The following IGSF21 variants were observed in gnomAD, a reference collection of about 807,000 sequenced individuals.
IGSF21 encodes the protein immunoglobulin superfamily member 21.
In IGSF21, 28 loss-of-function variants were observed where a neutral mutation model predicts 46.8. The ratio of observed to expected loss-of-function variants is 0.60; its 90% confidence interval spans 0.44 to 0.82. The LOEUF (loss-of-function observed/expected upper bound fraction) is 0.82, where lower values mean the gene tolerates loss of function less well. IGSF21 is among the 40% of genes least tolerant of loss of function. IGSF21 has a pLI of 0.00. For synonymous variants in IGSF21, 284 were observed against 273.6 expected, an observed-to-expected ratio of 1.04 and a Z score of -0.38; for missense variants, 624 against 665.5, an observed-to-expected ratio of 0.94 and a Z score of 0.69.
intron 1 of IGSF21, among the ~76,000 whole-genome samples, chr1:18,154,982 TG>T (rs1425482405): frequency 6.6e-6 from 1 of 151,548 alleles, no homozygotes; most frequent in East Asian, 2.0e-4. Flanking sequence ...GCTAGGCAAA[TG>T]GGGGGCTCAC....
intron 2 of IGSF21, among the ~76,000 whole-genome samples, chr1:18,232,686 T>C (rs1256893512): frequency 6.6e-6 from 1 of 152,222 alleles, no homozygotes; most frequent in Admixed American, 6.5e-5. Flanking sequence ...TACCTGCCCC[T>C]GGACCATGAC....
chr1:18,352,827 C>T (rs914303968), intron 4 of IGSF21, among the ~76,000 whole-genome samples: 1 of 152,186 alleles, frequency 6.6e-6, no homozygotes, highest in Non-Finnish European at 1.5e-5. Context: ...TGAGCGGGTG[C>T]TTCCAGGCAC....
chr1:18,245,713 C>A (rs1259180490), intron 2 of IGSF21, among the ~76,000 whole-genome samples: 1 of 152,186 alleles, frequency 6.6e-6, no homozygotes, highest in Admixed American at 6.5e-5. Context: ...ATGTGCCAGG[C>A]ACTGGGCTAG....
In IGSF21 at chr1:18,183,571, CGTAACAGCCATCGCTGT is replaced by C. The variant is rs538713060; in HGVS notation, c.71-44316_71-44300del. Among the ~76,000 whole-genome samples the C allele has an allele frequency of 5.1e-3, 782 of 152,340 alleles. 5 individuals are homozygous for C. Among genetic ancestry groups the C allele is most frequent in the Non-Finnish European group, 7.9e-3 (540 of 68,028 alleles). ...GAGCAGCATTTGACATCATGAGATA[CGTAACAGCCATCGCTGT>C]GTAACAGCCAGCCCAAAACTCAGTG... On this transcript the variant is annotated intron_variant, in intron 1 of 9. Coordinates refer to ENST00000251296, the MANE Select transcript of IGSF21 (RefSeq NM_032880.5).
At chr1:18,314,211 A>G (rs1007969174) in intron 3 of IGSF21, among the ~76,000 whole-genome samples, 1 of 152,164 alleles carries the variant, frequency 6.6e-6, no homozygotes, top group African/African-American at 2.4e-5. Context: ...TTTATTTTAA[A>G]TTACAGTGGA....
intron 2 of IGSF21, among the ~76,000 whole-genome samples, chr1:18,231,922 C>CATGT (rs1553156168): frequency 2.2e-5 from 3 of 136,438 alleles, no homozygotes; most frequent in East Asian, 2.2e-4. Context: ...ATCATTAGAT[C>CATGT]GTGTGTGTGT....
chr1:18,191,954 C>T (rs888655002), intron 1 of IGSF21, among the ~76,000 whole-genome samples: 2 of 152,142 alleles, frequency 1.3e-5, no homozygotes, highest in Admixed American at 1.3e-4. Context: ...TGACATCTGC[C>T]CTCCTGAGAG....
At chr1:18,180,985 G>A (rs866928632) in intron 1 of IGSF21, among the ~76,000 whole-genome samples, 1 of 152,208 alleles carries the variant, frequency 6.6e-6, no homozygotes, top group Middle Eastern at 3.4e-3. Context: ...TTTTCCCCTG[G>A]GCCTCAGTCT....
intron 1 of IGSF21, among the ~76,000 whole-genome samples, chr1:18,141,400 C>T (rs2086414149): frequency 6.6e-6 from 1 of 152,160 alleles, no homozygotes; most frequent in Admixed American, 6.5e-5. Flanking sequence ...TGCAGTCAGA[C>T]AAAAGAAGGA....
At chr1:18,268,977 A>G (rs2085016797) in intron 2 of IGSF21, among the ~76,000 whole-genome samples, 1 of 152,216 alleles carries the variant, frequency 6.6e-6, no homozygotes, top group Non-Finnish European at 1.5e-5. Context: ...TGTGCCTGTA[A>G]CAATTCAGGG....
At chr1:18,184,233 C>T (rs926033154) in intron 1 of IGSF21, among the ~76,000 whole-genome samples, 1 of 152,166 alleles carries the variant, frequency 6.6e-6, no homozygotes, top group Non-Finnish European at 1.5e-5. Context: ...GCACTTATGT[C>T]CACCATGATT....
intron 3 of IGSF21, among the ~76,000 whole-genome samples, chr1:18,313,367 C>T (rs1415387966): frequency 1.3e-5 from 2 of 152,202 alleles, no homozygotes; most frequent in African/African-American, 4.8e-5. Context: ...TGGAGCCAGG[C>T]TCCTAGCCTC....
At chr1:18,377,947 G>A (rs1024264462) in intron 9 of IGSF21, among the ~76,000 whole-genome samples, 7 of 152,140 alleles carry the variant, frequency 4.6e-5, no homozygotes, top group East Asian at 3.9e-4. Context: ...GGGCCCAGAC[G>A]CTGCTCCCAG....
chr1:18,310,722 C>T (rs565692497), intron 3 of IGSF21, among the ~76,000 whole-genome samples: 1 of 152,300 alleles, frequency 6.6e-6, no homozygotes, highest in African/African-American at 2.4e-5. Flanking sequence ...ACTGTATTCT[C>T]TCACAGTTCT....
intron 1 of IGSF21, among the ~76,000 whole-genome samples, chr1:18,208,397 T>TATATATATACATATATATATATATATA (rs368652183): frequency 1.1e-5 from 1 of 92,586 alleles, no homozygotes; most frequent in African/African-American, 3.7e-5. Flanking sequence ...ATATATATAT[T>TATATATATACATATATATATATATATA]TTTTGAGACG....
chr1:18,113,230 C>T (rs1344704677), intron 1 of IGSF21: 4 of 152,104 alleles, frequency 2.6e-5, no homozygotes, highest in African/African-American at 9.7e-5. Flanking sequence ...TAGGAGGTGT[C>T]CTTCTTTAGG....
At chr1:18,359,177 G>C (rs1239987567) in intron 4 of IGSF21, among the ~76,000 whole-genome samples, 3 of 151,550 alleles carry the variant, frequency 2.0e-5, no homozygotes, top group Non-Finnish European at 2.9e-5. Flanking sequence ...GAGAGGCCGA[G>C]GCAGGACAAT....
intron 2 of IGSF21, among the ~76,000 whole-genome samples, chr1:18,265,772 C>T (rs559926049): frequency 1.2e-4 from 19 of 152,332 alleles, no homozygotes; most frequent in Non-Finnish European, 2.2e-4. Context: ...GCCACACAAC[C>T]GGGATCTCAA....
At chr1:18,204,207 C>T (rs1046351402) in intron 1 of IGSF21, among the ~76,000 whole-genome samples, 3 of 152,302 alleles carry the variant, frequency 2.0e-5, no homozygotes, top group South Asian at 2.1e-4. Context: ...AGGTACTGTT[C>T]GGTCTCCATT....
Sources: allele counts gnomAD v4.1 joint callset (sites outside exome capture counted in the v4.1 genomes callset), GRCh38; gene constraint gnomAD v4.1.1; transcripts MANE v1.5; gene names NCBI Gene and HGNC (gene_info 2026-07-23, HGNC 2026-07-21).